The following LPA variants were observed in gnomAD, a reference collection of about 807,000 sequenced individuals.
LPA encodes lipoprotein(a), also known as apolipoprotein(a).
Under a neutral mutation model 197.9 loss-of-function variants are expected in LPA, and 199 were observed. That is an observed-to-expected ratio of 1.01 (90% CI 0.90 to 1.13). LPA has a LOEUF of 1.13. LPA is among the 50% of genes most tolerant of loss of function. LPA has a pLI of 0.00. For missense variants in LPA, 1,853 were observed against 1,785.8 expected (o/e 1.04, Z -0.68); for synonymous variants, 715 against 639.5 (o/e 1.12, Z -1.78).
chr6:160,646,975 C>G (rs1034646494), intron 2 of LPA, among the ~76,000 whole-genome samples: 1 of 152,140 alleles, frequency 6.6e-6, no homozygotes, highest in African/African-American at 2.4e-5. Context: ...AAGCATTGTG[C>G]AAATAGTATT....
intron 28 of LPA, among the ~76,000 whole-genome samples, chr6:160,567,574 C>A (rs939493413): frequency 4.0e-5 from 6 of 151,840 alleles, no homozygotes; most frequent in African/African-American, 1.5e-4. Flanking sequence ...CTAACATCAC[C>A]ATTAAAAGAA....
intron 20 of LPA, among the ~76,000 whole-genome samples, chr6:160,598,206 G>C (rs889473978): frequency 6.6e-6 from 1 of 152,014 alleles, no homozygotes; most frequent in African/African-American, 2.4e-5. Context: ...CTCAATATAT[G>C]GTGTTTTTTT....
At chr6:160,592,450 C>T (rs1375744739) in intron 22 of LPA, among the ~76,000 whole-genome samples, 1 of 152,162 alleles carries the variant, frequency 6.6e-6, no homozygotes, top group East Asian at 1.9e-4. Flanking sequence ...TCAGCTTTTG[C>T]TGACATTTTC....
chr6:160,654,017 TATAA>T lies in LPA; in HGVS notation c.50-3524_50-3521del, dbSNP rs1780069703. ...TATATTATATATAATATATATTATATATAATATATAATATATATTATATATAATA... is the reference window on the plus strand; with the variant it reads ...TATATTATATATAATATATATTATATTATATAATATATATTATATATAATA... On this transcript the variant is annotated intron_variant, in intron 1 of 38. Transcript: ENST00000316300. Among the ~76,000 whole-genome samples, 11 of 10,386 alleles carry T rather than the reference TATAA, an allele frequency of 1.1e-3. 3 individuals are homozygous for T. The highest frequency in any genetic ancestry group is 1.6e-3 in the Non-Finnish European group (10 of 6,140). The allele number at this position is 10,386 out of a possible 152,430, so 6.8% of individuals were successfully genotyped here. A position where few individuals can be genotyped will look rare whatever the true frequency, so the allele number is the denominator to read the frequency against.
chr6:160,648,411 T>G (rs1485988376), intron 2 of LPA, among the ~76,000 whole-genome samples: 1 of 152,168 alleles, frequency 6.6e-6, no homozygotes, highest in Non-Finnish European at 1.5e-5. Context: ...TTTGGAAAAT[T>G]TTCAGCCATC....
chr6:160,587,797 GTGTT>G (rs1438928420), intron 24 of LPA, among the ~76,000 whole-genome samples: 4,097 of 131,634 alleles, frequency 0.031, 133 homozygotes, highest in African/African-American at 0.077. Context: ...GTGTGTGTGT[GTGTT>G]TCTGTCTGTT....
intron 30 of LPA, among the ~76,000 whole-genome samples, chr6:160,553,610 C>T (rs1265003685): frequency 1.3e-5 from 2 of 152,052 alleles, no homozygotes; most frequent in African/African-American, 4.8e-5. Context: ...TATTGTTTTC[C>T]TCTGGCTTAT....
intron 28 of LPA, among the ~76,000 whole-genome samples, chr6:160,559,726 A>T (rs1334040831): frequency 6.6e-6 from 1 of 152,174 alleles, no homozygotes; most frequent in Non-Finnish European, 1.5e-5. Context: ...GTGAGTCCTT[A>T]TGTCTTAAAT....
At chr6:160,581,260 T>G (rs1376343549) in intron 26 of LPA, among the ~76,000 whole-genome samples, 1 of 152,158 alleles carries the variant, frequency 6.6e-6, no homozygotes, top group Non-Finnish European at 1.5e-5. Flanking sequence ...TTTTCTGTTT[T>G]TGTTTGCATA....
intron 1 of LPA, among the ~76,000 whole-genome samples, chr6:160,657,464 T>A (rs1182507422): frequency 1.3e-5 from 2 of 149,866 alleles, no homozygotes; most frequent in Non-Finnish European, 3.0e-5. Context: ...AGTGGGGCGA[T>A]CTTGGCTCAC....
Position 160,585,104 on chromosome 6 carries a change from A to T in LPA, c.4231T>A (p.Ser1411Thr), listed in dbSNP as rs775248247. 1 of 1,613,868 alleles carries T rather than the reference A, an allele frequency of 6.2e-7. No homozygotes were observed. The highest frequency in any genetic ancestry group is 1.7e-5 in the Admixed American group (1 of 60,010). Residue 1411 changes from serine to threonine, a missense_variant, in exon 26 of 39, where the codon TCT (serine) becomes ACT (threonine). By Grantham distance (58) the Ser-to-Thr change is moderately conservative. Coordinates refer to ENST00000316300, the MANE Select transcript of LPA (RefSeq NM_005577.4). ...STTITGRTCQ[S>T]WSSMTPHWHR... ...CAATGTGGTGTCATAGACGACCAAG[A>T]CTGACATGTTCTTCCTGTGATAGTG... is the stretch of plus-strand genomic sequence containing the variant.
chr6:160,532,032 CT>C (rs1777815137), intron 38 of LPA, 142 bp from the exon 39 acceptor site: 1 of 950,570 alleles, frequency 1.1e-6, no homozygotes, highest in African/African-American at 1.6e-5. Context: ...ACTCAAGCAT[CT>C]GCAGTGCTTA....
intron 30 of LPA, among the ~76,000 whole-genome samples, chr6:160,550,921 T>G (rs1006162513): frequency 3.3e-5 from 5 of 152,244 alleles, no homozygotes; most frequent in Non-Finnish European, 7.3e-5. Flanking sequence ...GTTCACAAAT[T>G]ATTTATTCAT....
intron 1 of LPA, among the ~76,000 whole-genome samples, chr6:160,654,690 T>C (rs556328491): frequency 6.6e-6 from 1 of 152,306 alleles, no homozygotes; most frequent in East Asian, 1.9e-4. Flanking sequence ...ATTTAAATGC[T>C]GATATGAACA....
At position 160,554,128 on chromosome 6, in the gene LPA, T is replaced by C. The variant is rs114394812; in HGVS notation, c.4973+1897A>G. Among the ~76,000 whole-genome samples, 550 of 152,306 alleles carry C rather than the reference T, an allele frequency of 3.6e-3. 4 individuals are homozygous for C. The highest frequency in any genetic ancestry group is 0.013 in the African/African-American group (526 of 41,584). On this transcript the variant is annotated intron_variant, in intron 30 of 38. Transcript: ENST00000316300. ...TTCTTTAATTTCCATTTGGTTGTTT[T>C]ACGCATTTGCTTTTTTTTATATTCT... is the stretch of plus-strand genomic sequence containing the variant.
chr6:160,661,331 G>A (rs1328355345), intron 1 of LPA, among the ~76,000 whole-genome samples: 1 of 152,182 alleles, frequency 6.6e-6, no homozygotes, highest in Non-Finnish European at 1.5e-5. Context: ...GGTGGCAGCA[G>A]GAGAGAAGCC....
intron 24 of LPA, among the ~76,000 whole-genome samples, chr6:160,588,786 C>T (rs1778966565): frequency 1.3e-5 from 2 of 152,102 alleles, no homozygotes; most frequent in Non-Finnish European, 2.9e-5. Context: ...TCCTTCAATC[C>T]AACACTGTGT....
Position 160,589,666 on chromosome 6 carries a change from A to G in LPA, c.3834T>C (p.Asp1278=). 3 of 1,613,966 alleles carry G rather than the reference A, an allele frequency of 1.9e-6. No homozygotes were observed. Among genetic ancestry groups the G allele is most frequent in the Non-Finnish European group, 2.5e-6 (3 of 1,179,878 alleles). Residue 1278 remains aspartate (D), a synonymous_variant, in exon 24 of 39, where the codon GAT becomes GAC. Transcript: ENST00000316300. ...SPTVQDCYHG[D]GQSYRGSFST... is the part of the protein sequence containing the mutation. ...AGAATGAGCCTCGATAACTCTGTCC[A>G]TCACCATGGTAGCAGTCCTGGACTG...
intron 26 of LPA, 145 bp from the exon 27 acceptor site, chr6:160,578,849 A>G: frequency 8.0e-7 from 1 of 1,243,578 alleles, no homozygotes; most frequent in Non-Finnish European, 1.1e-6. Context: ...CCACAAGCAC[A>G]AATGGTCTTC....
Sources: gnomAD v4.1 joint callset for allele counts (sites outside exome capture counted in the v4.1 genomes callset) on GRCh38, gnomAD v4.1.1 for gene constraint, MANE v1.5 for transcripts, NCBI Gene and HGNC (gene_info 2026-07-23, HGNC 2026-07-21) for gene names.